The following ERICH2 variants were observed in gnomAD, a reference collection of about 807,000 sequenced individuals.
ERICH2 encodes the protein glutamate rich 2, also known as glutamate-rich protein 2.
ERICH2 carries 17 observed loss-of-function variants against 17.4 expected under a neutral mutation model. That is an observed-to-expected ratio of 0.98 (90% CI 0.67 to 1.47). The LOEUF is 1.47. Ranked by LOEUF, ERICH2 falls within the 40% of genes most tolerant of loss-of-function variation. The pLI is 0.00. For synonymous variants in ERICH2, 51 were observed against 61.1 expected (o/e 0.83, Z 0.77); for missense variants, 186 against 183.2 (o/e 1.01, Z -0.09).
At chr2:170,789,621 AG>A (rs1701238086) in intron 2 of ERICH2, among the ~76,000 whole-genome samples, 1 of 152,184 alleles carries the variant, frequency 6.6e-6, no homozygotes, top group Non-Finnish European at 1.5e-5. Flanking sequence ...ATTCTCATCA[AG>A]GGCTTCTGCA....
At chr2:170,779,365 T>G (rs1700977083), upstream of ERICH2, among the ~76,000 whole-genome samples, 3 of 152,164 alleles carry the variant, frequency 2.0e-5, no homozygotes, top group Non-Finnish European at 2.9e-5. Context: ...TGCTCTAGTT[T>G]TTGTATTTTT....
the ERICH2 span, among the ~76,000 whole-genome samples, chr2:170,774,011 G>A: frequency 6.6e-6 from 1 of 152,092 alleles, no homozygotes; most frequent in Non-Finnish European, 1.5e-5. Flanking sequence ...TGTGAGCCAC[G>A]ACACCTGACC....
At chr2:170,782,380 G>T (rs1336748689), upstream of ERICH2, 7 of 983,850 alleles carry the variant, frequency 7.1e-6, no homozygotes, top group Non-Finnish European at 7.2e-6. Context: ...CTGCTTAAAA[G>T]AAAGCACAGG....
chr2:170,790,324 A>G (rs1701257941), intron 2 of ERICH2, among the ~76,000 whole-genome samples: 1 of 151,524 alleles, frequency 6.6e-6, no homozygotes, highest in Non-Finnish European at 1.5e-5. Context: ...ATGAAATCTC[A>G]TCTCTACTAA....
At chr2:170,787,064 A>C (rs1701176355) in intron 2 of ERICH2, among the ~76,000 whole-genome samples, 1 of 151,024 alleles carries the variant, frequency 6.6e-6, no homozygotes, top group Admixed American at 6.6e-5. Flanking sequence ...TGTTTGTTTT[A>C]ACAGATGGGG....
At chr2:170,790,594 T>G (rs1376821224) in intron 2 of ERICH2, among the ~76,000 whole-genome samples, 1 of 152,040 alleles carries the variant, frequency 6.6e-6, no homozygotes, top group African/African-American at 2.4e-5. Flanking sequence ...GCCACTGCAC[T>G]CCAGCCTGGG....
At chr2:170,773,141 G>A in the ERICH2 span, among the ~76,000 whole-genome samples, 4 of 152,142 alleles carry the variant, frequency 2.6e-5, no homozygotes, top group South Asian at 8.3e-4. Flanking sequence ...TCTGAATCTC[G>A]TGGCTAATTT....
In ERICH2 at chr2:170,789,789, T is replaced by C. The variant is rs1701242873; in HGVS notation, c.217-3074T>C. Among the ~76,000 whole-genome samples the C allele has an allele frequency of 2.0e-5, 3 of 152,224 alleles. No individual in the cohort carries two copies. In the South Asian group the frequency reaches 6.2e-4, roughly 31 times the overall value. On this transcript the variant is annotated intron_variant, in intron 2 of 4. Transcript: ENST00000409885. ...AGGCTAGTATTAATATAATGCTTCATTAAATAGACTACATATTAGATAATA... is the reference window on the plus strand; with the variant it reads ...AGGCTAGTATTAATATAATGCTTCACTAAATAGACTACATATTAGATAATA...
exon 5 of ERICH2, chr2:170,798,832 A>G: frequency 1.3e-6 from 2 of 1,550,706 alleles, no homozygotes; most frequent in Non-Finnish European, 1.7e-6. Context: ...TGGTGAGAGT[A>G]AAGGAGAAAG....
intron 2 of ERICH2, among the ~76,000 whole-genome samples, chr2:170,788,933 T>A (rs9750493): frequency 0.94 from 143,511 of 151,982 alleles, 68,310 homozygotes; most frequent in East Asian, 1. Context: ...CTAGCCATAT[T>A]CTTCTTCTTC....
exon 2 of ERICH2, chr2:170,784,804 A>T: frequency 6.6e-7 from 1 of 1,521,192 alleles, no homozygotes; most frequent in Non-Finnish European, 8.8e-7. Flanking sequence ...TAAAAAGAAT[A>T]CTCAGGCCCC....
chr2:170,786,999 G>A (rs1701174673), intron 2 of ERICH2, among the ~76,000 whole-genome samples: 1 of 151,840 alleles, frequency 6.6e-6, no homozygotes, highest in Non-Finnish European at 1.5e-5. Context: ...CTGCTTATGG[G>A]TCTTATTTTC....
At chr2:170,787,341 TG>T (rs71008721) in intron 2 of ERICH2, among the ~76,000 whole-genome samples, 104,017 of 152,096 alleles carry the variant, frequency 0.68, 35,696 homozygotes, top group East Asian at 0.79. Context: ...ACAGCTAAGG[TG>T]CTTGGAAGCA....
upstream of ERICH2, among the ~76,000 whole-genome samples, chr2:170,781,071 A>G (rs1409037383): frequency 1.3e-5 from 2 of 152,142 alleles, no homozygotes; most frequent in Non-Finnish European, 2.9e-5. Flanking sequence ...TTAGCCATAT[A>G]TACTGGGGGA....
chr2:170,798,819 C>T, exon 5 of ERICH2: 1 of 1,550,616 alleles, frequency 6.4e-7, no homozygotes. Flanking sequence ...ATGAAGACAG[C>T]AGTGGTGAGA....
the ERICH2 span, among the ~76,000 whole-genome samples, chr2:170,776,048 T>C: frequency 6.6e-6 from 1 of 152,050 alleles, no homozygotes; most frequent in Admixed American, 6.6e-5. Flanking sequence ...AAATTTTAAG[T>C]GTGGCCGCTC....
chr2:170,789,018 G>T (rs1701221501), intron 2 of ERICH2, among the ~76,000 whole-genome samples: 1 of 151,530 alleles, frequency 6.6e-6, no homozygotes, highest in Admixed American at 6.6e-5. Context: ...CTGGAGTACA[G>T]TGGCACAATC....
intron 2 of ERICH2, 103 bp downstream of exon 7, chr2:170,784,936 T>C (rs985091741): frequency 1.0e-6 from 1 of 961,448 alleles, no homozygotes. Flanking sequence ...AAAGTAGATC[T>C]CATGGAGGCA....
At chr2:170,798,720 AG>A in intron 4 of ERICH2, 49 bp from the exon 10 acceptor site, 1 of 1,542,546 alleles carries the variant, frequency 6.5e-7, no homozygotes, top group Non-Finnish European at 8.8e-7. Context: ...TATTTTTCAG[AG>A]TGAAATATTA....
Sources: allele counts gnomAD v4.1 joint callset (sites outside exome capture counted in the v4.1 genomes callset), GRCh38; gene constraint gnomAD v4.1.1; transcripts MANE v1.5; gene names NCBI Gene and HGNC (gene_info 2026-07-23, HGNC 2026-07-21).